Variants in HSPD1 observed in about 807,000 individuals in gnomAD.
HSPD1 encodes the protein heat shock protein family D (Hsp60) member 1, also known as 60 kDa heat shock protein, mitochondrial.
Under a neutral mutation model 53.0 loss-of-function variants are expected in HSPD1, and 3 were observed. That is an observed-to-expected ratio of 0.06 (90% CI 0.03 to 0.15). The LOEUF is 0.15. Ranked by LOEUF, HSPD1 falls within the 10% of genes least tolerant of loss-of-function variation. The pLI, the probability that HSPD1 is intolerant of heterozygous loss-of-function variation, is 1.00. For missense variants in HSPD1, 431 were observed against 694.1 expected (o/e 0.62, Z 4.26); for synonymous variants, 200 against 228.0 (o/e 0.88, Z 1.10).
intron 7 of HSPD1, among the ~76,000 whole-genome samples, chr2:197,491,916 A>C (rs1351766898): frequency 6.6e-6 from 1 of 152,208 alleles, no homozygotes; most frequent in Admixed American, 6.5e-5. Context: ...AGGTGGGAGA[A>C]TCACTTAAGA....
intron 7 of HSPD1, among the ~76,000 whole-genome samples, chr2:197,491,144 ACT>A (rs1430601025): frequency 5.3e-5 from 8 of 150,524 alleles, no homozygotes; most frequent in Non-Finnish European, 1.0e-4. Context: ...CTTAATGAAA[ACT>A]CTGTAGGCTT....
intron 3 of HSPD1, chr2:197,496,847 G>T: frequency 2.4e-6 from 1 of 419,658 alleles, no homozygotes; most frequent in East Asian, 5.1e-5. Context: ...GAGGCAGGAG[G>T]ATTGCTTGAG....
In HSPD1 at chr2:197,493,505, T is replaced by C. The variant is rs746515365; in HGVS notation, c.701-13A>G. 8.1e-6 allele frequency: 13 copies of C among 1,597,058 alleles called. No individual in the cohort carries two copies. The highest frequency in any genetic ancestry group is 1.7e-4 in the Middle Eastern group (1 of 6,020). On this transcript the variant is annotated splice_polypyrimidine_tract_variant and intron_variant, in intron 6 of 11. Coordinates refer to ENST00000388968, the MANE Select transcript of HSPD1 (RefSeq NM_002156.5). ...TCACATTTCTGACCTGTAAAAATAATGAAGATTTCAAAAATATACAAAAAA... is the reference window on the plus strand; with the variant it reads ...TCACATTTCTGACCTGTAAAAATAACGAAGATTTCAAAAATATACAAAAAA...
intron 2 of HSPD1, among the ~76,000 whole-genome samples, chr2:197,498,075 C>T (rs549936959): frequency 1.6e-4 from 25 of 152,234 alleles, no homozygotes; most frequent in African/African-American, 6.0e-4. Flanking sequence ...AGCAGAAAAC[C>T]GATGGGTAAA....
At position 197,488,946 on chromosome 2, in the gene HSPD1, CA is replaced by C. The variant is rs533456756; in HGVS notation, c.1215+55del. The C allele has an allele frequency of 2.6e-4, 412 of 1,593,042 alleles. 1 individual carries two copies. Among genetic ancestry groups the C allele is most frequent in the South Asian group, 1.8e-3 (159 of 90,200 alleles). The stretch of plus-strand genomic sequence containing the variant: ...GTACTACTGGGGAATACTACAGAAG[CA>C]AAATCATTCTTGGACTCAGAACCCA... On this transcript the variant is annotated intron_variant, in intron 9 of 11. Transcript: ENST00000388968.
intron 7 of HSPD1, among the ~76,000 whole-genome samples, chr2:197,491,642 T>A (rs1380370774): frequency 6.6e-6 from 1 of 152,182 alleles, no homozygotes; most frequent in Non-Finnish European, 1.5e-5. Flanking sequence ...CATACTTCAA[T>A]TCTGAGATAA....
Position 197,494,764 on chromosome 2 carries a change from CAGTT to C in HSPD1, c.511-16_511-13del, listed in dbSNP as rs2086137563. ...GAAATCGTAGCAACCTGAAATAATC[CAGTT>C]ACTCTTCGAAATTAAAAGGTAAGCC... is the stretch of plus-strand genomic sequence containing the variant. On this transcript the variant is annotated splice_polypyrimidine_tract_variant and intron_variant, in intron 4 of 11. Transcript: ENST00000388968. 6 of 1,570,024 alleles carry C rather than the reference CAGTT, an allele frequency of 3.8e-6. No individual in the cohort carries two copies. In the South Asian group the frequency reaches 6.7e-5, roughly 17 times the overall value.
intron 5 of HSPD1, 41 bp downstream of exon 5, chr2:197,494,616 A>C (rs56190593): frequency 8.2e-7 from 1 of 1,223,664 alleles, no homozygotes; most frequent in Non-Finnish European, 1.2e-6. Flanking sequence ...TTTGATCATA[A>C]GATAACTCAA....
intron 7 of HSPD1, chr2:197,490,622 A>G: frequency 3.1e-6 from 1 of 324,064 alleles, no homozygotes; most frequent in South Asian, 2.9e-5. Context: ...CGAGGTCAGG[A>G]GTTCGAGACC....
chr2:197,496,907 C>G, intron 3 of HSPD1: 1 of 536,614 alleles, frequency 1.9e-6, no homozygotes, highest in East Asian at 3.4e-5. Flanking sequence ...AAGACCCTGT[C>G]TCTAAAAACA....
intron 11 of HSPD1, among the ~76,000 whole-genome samples, chr2:197,487,598 G>A (rs961030734): frequency 4.6e-5 from 7 of 152,214 alleles, no homozygotes; most frequent in Admixed American, 4.6e-4. Flanking sequence ...GGAACAGGGT[G>A]TTCCAGATCC....
At chr2:197,491,866 T>C (rs1408502449) in intron 7 of HSPD1, among the ~76,000 whole-genome samples, 1 of 152,144 alleles carries the variant, frequency 6.6e-6, no homozygotes. Context: ...CAGCCAAGGG[T>C]AGTGGCTCAT....
chr2:197,499,601 C>T (rs1326233330), intron 1 of HSPD1, among the ~76,000 whole-genome samples, 181 bp downstream of exon 1: 1 of 152,172 alleles, frequency 6.6e-6, no homozygotes, highest in Non-Finnish European at 1.5e-5. Context: ...GGATCCGCGT[C>T]GCACGTGATG....
chr2:197,495,429 G>T, intron 3 of HSPD1, 53 bp from the exon 4 acceptor site: 1 of 1,149,476 alleles, frequency 8.7e-7, no homozygotes, highest in Non-Finnish European at 1.3e-6. Context: ...TGGCTTCTAT[G>T]TCAAGTAGAA....
intron 4 of HSPD1, 189 bp from the exon 5 acceptor site, chr2:197,494,941 G>A: frequency 1.6e-6 from 1 of 625,758 alleles, no homozygotes; most frequent in South Asian, 1.9e-5. Context: ...TGACTACATT[G>A]TTTTGAAGAA....
At chr2:197,495,066 A>G in intron 4 of HSPD1, 1 of 604,136 alleles carries the variant, frequency 1.7e-6, no homozygotes, top group East Asian at 2.8e-5. Flanking sequence ...CAATCATATG[A>G]ATCCATTTTA....
At chr2:197,490,122 G>T in intron 8 of HSPD1, 75 bp downstream of exon 8, 1 of 1,082,330 alleles carries the variant, frequency 9.2e-7, no homozygotes, top group Non-Finnish European at 1.4e-6. Context: ...ATCTAATTGT[G>T]AAATGTTAAA....
chr2:197,486,947 C>T lies in HSPD1; in HGVS notation c.*99G>A. The T allele has an allele frequency of 4.6e-6, 5 of 1,089,976 alleles. No homozygotes were observed. Among genetic ancestry groups the T allele is most frequent in the Non-Finnish European group, 7.1e-6 (5 of 705,758 alleles). 67.5% of individuals were successfully genotyped at this position (1,089,976 alleles called of 1,614,324 possible). A position where few individuals can be genotyped will look rare whatever the true frequency, so the allele number is the denominator to read the frequency against. ...GTGATTTTCAGCCAGCCTTTTTCTT[C>T]ATTTTCTCCAACTGACTTCTCTGAA... On this transcript the variant is annotated 3_prime_UTR_variant, in exon 12 of 12. Coordinates refer to ENST00000388968, the MANE Select transcript of HSPD1 (RefSeq NM_002156.5).
Position 197,493,395 on chromosome 2 carries a change from A to G in HSPD1, c.798T>C (p.Ala266=), listed in dbSNP as rs2086118370. ...SIVPALEIAN[A]HRKPLVIIAE... Reference sequence around the variant, plus strand: ...CGATTATGACCAAAGGCTTACGGTGAGCATTGGCAATTTCAAGAGCAGGTA... The same window carrying G: ...CGATTATGACCAAAGGCTTACGGTGGGCATTGGCAATTTCAAGAGCAGGTA... The change falls in exon 7 of 12, where the codon GCT becomes GCC. Residue 266 remains alanine (A), a synonymous_variant. Transcript: ENST00000388968. The G allele has an allele frequency of 1.1e-5, 18 of 1,613,874 alleles. No homozygotes were observed. Among genetic ancestry groups the G allele is most frequent in the East Asian group, 4.5e-5 (2 of 44,868 alleles).
Sources: gnomAD v4.1 joint callset for allele counts (sites outside exome capture counted in the v4.1 genomes callset) on GRCh38, gnomAD v4.1.1 for gene constraint, MANE v1.5 for transcripts, NCBI Gene and HGNC (gene_info 2026-07-23, HGNC 2026-07-21) for gene names.